Variants in NRG3 observed in about 807,000 individuals in gnomAD.
NRG3 encodes the protein neuregulin 3, also known as pro-neuregulin-3, membrane-bound isoform.
In NRG3, 31 loss-of-function variants were observed where a neutral mutation model predicts 66.9. That is an observed-to-expected ratio of 0.46 (90% CI 0.35 to 0.63). NRG3 has a LOEUF of 0.63. Ranked by LOEUF, NRG3 falls within the 20% of genes least tolerant of loss-of-function variation. NRG3 has a pLI of 0.00. For synonymous variants in NRG3, 393 were observed against 359.4 expected (o/e 1.09, Z -1.06); for missense variants, 910 against 878.9 (o/e 1.04, Z -0.45).
At chr10:82,784,156 T>G (rs920323432) in intron 3 of NRG3, among the ~76,000 whole-genome samples, 1 of 152,278 alleles carries the variant, frequency 6.6e-6, no homozygotes, top group Non-Finnish European at 1.5e-5. Context: ...GCTAGCCATA[T>G]GTAGAAAGCT....
At chr10:82,865,515 T>C in intron 4 of NRG3, 78 bp downstream of exon 4, 1 of 1,411,624 alleles carries the variant, frequency 7.1e-7, no homozygotes, top group Middle Eastern at 1.8e-4. Context: ...TCCTTCTCCA[T>C]CTGGTTATAA....
At chr10:82,228,838 A>C (rs571699894) in intron 1 of NRG3, 1 of 152,272 alleles carries the variant, frequency 6.6e-6, no homozygotes, top group South Asian at 2.1e-4. Flanking sequence ...GCAACAATGC[A>C]CTCTGTGGCA....
intron 4 of NRG3, among the ~76,000 whole-genome samples, chr10:82,895,584 A>T (rs775151623): frequency 7.0e-6 from 1 of 142,868 alleles, no homozygotes; most frequent in Non-Finnish European, 1.5e-5. Context: ...TCTGCCTCCC[A>T]GGTTCACGCC....
intron 2 of NRG3, among the ~76,000 whole-genome samples, chr10:82,651,266 C>T (rs2051391398): frequency 6.6e-6 from 1 of 152,144 alleles, no homozygotes; most frequent in Non-Finnish European, 1.5e-5. Flanking sequence ...AGAAGCTGAG[C>T]TTAGAATGTG....
chr10:82,950,128 G>T (rs1849384580), intron 4 of NRG3, among the ~76,000 whole-genome samples: 1 of 152,140 alleles, frequency 6.6e-6, no homozygotes, highest in South Asian at 2.1e-4. Flanking sequence ...AGAAGTAGGT[G>T]CAGTCTGTTT....
intron 1 of NRG3, among the ~76,000 whole-genome samples, chr10:81,956,573 CAAAATAT>C (rs1032478481): frequency 2.0e-5 from 3 of 152,140 alleles, no homozygotes; most frequent in Non-Finnish European, 4.4e-5. Context: ...ACTGTACTTT[CAAAATAT>C]AGCCTGCATG....
chr10:82,860,671 G>A (rs1325984091), intron 3 of NRG3, among the ~76,000 whole-genome samples: 1 of 152,230 alleles, frequency 6.6e-6, no homozygotes, highest in Non-Finnish European at 1.5e-5. Flanking sequence ...AAAGGTGGGA[G>A]TGTTCCAAAA....
At chr10:82,151,246 A>C (rs1453114226) in intron 1 of NRG3, among the ~76,000 whole-genome samples, 1 of 152,220 alleles carries the variant, frequency 6.6e-6, no homozygotes, top group Non-Finnish European at 1.5e-5. Context: ...GGCACACAGG[A>C]GTGACTAGGA....
intron 3 of NRG3, among the ~76,000 whole-genome samples, chr10:82,801,256 A>G (rs2061024422): frequency 6.6e-6 from 1 of 152,206 alleles, no homozygotes; most frequent in Admixed American, 6.5e-5. Context: ...AATCTCAGGA[A>G]TCTGGAGAGA....
chr10:82,548,516 CTG>C (rs1487171265), intron 2 of NRG3, among the ~76,000 whole-genome samples: 1 of 129,546 alleles, frequency 7.7e-6, no homozygotes, highest in African/African-American at 3.4e-5. Context: ...CAAATACATT[CTG>C]TCTCTCACAC....
intron 2 of NRG3, among the ~76,000 whole-genome samples, chr10:82,446,554 A>G (rs559147778): frequency 2.0e-5 from 3 of 152,170 alleles, no homozygotes; most frequent in Non-Finnish European, 4.4e-5. Context: ...CAAACACCAC[A>G]TGTTCTCACT....
intron 1 of NRG3, among the ~76,000 whole-genome samples, chr10:82,223,206 G>A (rs563584050): frequency 1.3e-5 from 2 of 152,250 alleles, no homozygotes; most frequent in South Asian, 2.1e-4. Context: ...ACAGTCAGAC[G>A]TGCCTGCAGC....
At chr10:82,376,562 T>G (rs2085250598) in intron 2 of NRG3, among the ~76,000 whole-genome samples, 1 of 152,182 alleles carries the variant, frequency 6.6e-6, no homozygotes, top group African/African-American at 2.4e-5. Flanking sequence ...CTTTACACAC[T>G]CACAGAATTT....
At chr10:82,530,324 A>G (rs1847128922) in intron 2 of NRG3, among the ~76,000 whole-genome samples, 1 of 152,086 alleles carries the variant, frequency 6.6e-6, no homozygotes, top group Admixed American at 6.5e-5. Flanking sequence ...AAAAGCCTTC[A>G]ATAATCTACC....
chr10:81,877,375 TGCAAAAAACTGTCTG>T (rs1380072301), intron 1 of NRG3, among the ~76,000 whole-genome samples: 1 of 152,106 alleles, frequency 6.6e-6, no homozygotes, highest in Admixed American at 6.5e-5. Flanking sequence ...AAGGCTATTT[TGCAAAAAACTGTCTG>T]GTTATGCTGT....
intron 4 of NRG3, among the ~76,000 whole-genome samples, chr10:82,879,723 T>G (rs918649800): frequency 1.3e-5 from 2 of 151,890 alleles, no homozygotes; most frequent in Non-Finnish European, 2.9e-5. Flanking sequence ...TGATCCGCCC[T>G]CCTCGGCCTC....
chr10:82,107,212 C>T (rs948758575), intron 1 of NRG3, among the ~76,000 whole-genome samples: 2 of 152,168 alleles, frequency 1.3e-5, no homozygotes, highest in Non-Finnish European at 2.9e-5. Flanking sequence ...CTCCAATGAA[C>T]ATTTCCTTTT....
At chr10:82,050,914 A>G (rs2063562242) in intron 1 of NRG3, among the ~76,000 whole-genome samples, 1 of 151,824 alleles carries the variant, frequency 6.6e-6, no homozygotes, top group South Asian at 2.1e-4. Flanking sequence ...CAGCATTTCT[A>G]TCCTGCTGTG....
chr10:82,359,704 A>T (rs1284775094), intron 2 of NRG3, among the ~76,000 whole-genome samples: 1 of 152,220 alleles, frequency 6.6e-6, no homozygotes, highest in Admixed American at 6.5e-5. Flanking sequence ...GTGATCATAT[A>T]TATCCACACC....
Sources: gnomAD v4.1 joint callset for allele counts (sites outside exome capture counted in the v4.1 genomes callset) on GRCh38, gnomAD v4.1.1 for gene constraint, MANE v1.5 for transcripts, NCBI Gene and HGNC (gene_info 2026-07-23, HGNC 2026-07-21) for gene names.